Variants in EPM2A observed in about 807,000 individuals in gnomAD.
EPM2A encodes EPM2A glucan phosphatase, laforin, also known as laforin.
Under a neutral mutation model 26.5 loss-of-function variants are expected in EPM2A, and 21 were observed. The ratio of observed to expected loss-of-function variants is 0.79; its 90% CI spans 0.56 to 1.14. The LOEUF (loss-of-function observed/expected upper bound fraction) is 1.14. Ranked by LOEUF, EPM2A falls within the 50% of genes most tolerant of loss-of-function variation. EPM2A has a pLI of 0.00. For missense variants in EPM2A, 458 were observed against 440.8 expected (o/e 1.04, Z -0.35); for synonymous variants, 217 against 177.6 (o/e 1.22, Z -1.76).
At chr6:145,554,459 G>GATAGATAGATAGATACATAGATAC (rs1187061981) in intron 2 of EPM2A, among the ~76,000 whole-genome samples, 37 of 151,612 alleles carry the variant, frequency 2.4e-4, no homozygotes, top group African/African-American at 8.7e-4. Context: ...TAGATAGATA[G>GATAGATAGATAGATACATAGATAC]ATAGATAGAT....
intron 2 of EPM2A, among the ~76,000 whole-genome samples, chr6:145,648,488 T>C (rs1423252240): frequency 6.6e-6 from 1 of 152,242 alleles, no homozygotes; most frequent in Non-Finnish European, 1.5e-5. Context: ...TAACCATAAG[T>C]TCCATTTCAT....
At chr6:145,545,955 C>T (rs1780578115) in intron 2 of EPM2A, among the ~76,000 whole-genome samples, 1 of 152,168 alleles carries the variant, frequency 6.6e-6, no homozygotes, top group African/African-American at 2.4e-5. Flanking sequence ...TAAATACTCT[C>T]TGAATGCCTT....
At chr6:145,521,738 A>C (rs1780204610) in intron 2 of EPM2A, among the ~76,000 whole-genome samples, 3 of 152,204 alleles carry the variant, frequency 2.0e-5, no homozygotes. Context: ...AATATACTAG[A>C]GGGAATGAGC....
At chr6:145,445,282 C>A (rs1206289807) in intron 4 of EPM2A, among the ~76,000 whole-genome samples, 1 of 151,998 alleles carries the variant, frequency 6.6e-6, no homozygotes, top group East Asian at 1.9e-4. Flanking sequence ...AAAACATTTG[C>A]CTATAAATTT....
chr6:145,528,913 T>C (rs1780316480), intron 2 of EPM2A, among the ~76,000 whole-genome samples: 1 of 151,920 alleles, frequency 6.6e-6, no homozygotes, highest in African/African-American at 2.4e-5. Flanking sequence ...GAGGTGAAAA[T>C]ATCAACATAA....
intron 2 of EPM2A, among the ~76,000 whole-genome samples, chr6:145,578,690 A>G (rs6913727): frequency 0.43 from 65,257 of 152,016 alleles, 14,561 homozygotes; most frequent in African/African-American, 0.52. Flanking sequence ...TTTTGGAAAA[A>G]CAAATACTTT....
chr6:145,513,020 G>A (rs909189639), intron 2 of EPM2A, among the ~76,000 whole-genome samples: 2 of 152,014 alleles, frequency 1.3e-5, no homozygotes, highest in African/African-American at 2.4e-5. Context: ...TTATGATGAA[G>A]ACCCCAAAAG....
intron 4 of EPM2A, among the ~76,000 whole-genome samples, chr6:145,478,575 C>T (rs1299636863): frequency 6.6e-6 from 1 of 151,848 alleles, no homozygotes; most frequent in Admixed American, 6.6e-5. Context: ...GGCATAAAAA[C>T]AGACACATAG....
intron 4 of EPM2A, among the ~76,000 whole-genome samples, chr6:145,464,233 TCACTTGC>T (rs1779359340): frequency 6.6e-6 from 1 of 152,140 alleles, no homozygotes; most frequent in African/African-American, 2.4e-5. Context: ...TCACTGTCTC[TCACTTGC>T]CACCATGTAA....
At chr6:145,599,317 T>A (rs1341265007) in intron 2 of EPM2A, among the ~76,000 whole-genome samples, 1 of 152,148 alleles carries the variant, frequency 6.6e-6, no homozygotes, top group Non-Finnish European at 1.5e-5. Context: ...TCAATGTTTA[T>A]TCTGTGCTCC....
intron 2 of EPM2A, among the ~76,000 whole-genome samples, chr6:145,519,761 A>G (rs1780178920): frequency 6.6e-6 from 1 of 152,158 alleles, no homozygotes; most frequent in Non-Finnish European, 1.5e-5. Context: ...CCAGTCTCAG[A>G]TCTTAAAGAG....
At chr6:145,397,732 A>G (rs1778424732) in intron 4 of EPM2A, among the ~76,000 whole-genome samples, 1 of 152,198 alleles carries the variant, frequency 6.6e-6, no homozygotes, top group African/African-American at 2.4e-5. Context: ...ATCAAGTATT[A>G]TTGACCAACC....
chr6:145,627,975 C>A, intron 3 of EPM2A: 1 of 465,488 alleles, frequency 2.1e-6, no homozygotes, highest in Non-Finnish European at 3.8e-6. Context: ...AATATCCCTC[C>A]AAAGAAAAGT....
intron 2 of EPM2A, among the ~76,000 whole-genome samples, chr6:145,551,467 G>C (rs968729396): frequency 1.3e-5 from 2 of 151,886 alleles, no homozygotes; most frequent in African/African-American, 4.8e-5. Flanking sequence ...ATACCTAAAT[G>C]ACATTAAAGG....
At chr6:145,725,294 G>A (rs912164474) in intron 1 of EPM2A, among the ~76,000 whole-genome samples, 4 of 151,920 alleles carry the variant, frequency 2.6e-5, no homozygotes, top group Admixed American at 2.6e-4. Context: ...TAACAACATC[G>A]ACACTGATGA....
At chr6:145,557,280 GAA>G (rs2114810359) in intron 2 of EPM2A, among the ~76,000 whole-genome samples, 1 of 152,140 alleles carries the variant, frequency 6.6e-6, no homozygotes, top group African/African-American at 2.4e-5. Flanking sequence ...TGAGGGATGA[GAA>G]ATTACCCATT....
At chr6:145,638,600 C>A (rs1319823911) in intron 2 of EPM2A, 1 of 152,214 alleles carries the variant, frequency 6.6e-6, no homozygotes, top group Admixed American at 6.5e-5. Flanking sequence ...GAACTAATTT[C>A]TGCTACTTTA....
intron 2 of EPM2A, among the ~76,000 whole-genome samples, chr6:145,543,270 TAA>T (rs1780539597): frequency 6.6e-6 from 1 of 152,074 alleles, no homozygotes; most frequent in South Asian, 2.1e-4. Context: ...ACAGTCAAAA[TAA>T]ATTACCATCA....
intron 1 of EPM2A, among the ~76,000 whole-genome samples, chr6:145,720,229 G>T (rs1396596763): frequency 6.6e-6 from 1 of 152,048 alleles, no homozygotes; most frequent in Non-Finnish European, 1.5e-5. Flanking sequence ...CTGGAGTAAA[G>T]AACTTTTTAA....
Sources: allele counts gnomAD v4.1 joint callset (sites outside exome capture counted in the v4.1 genomes callset), GRCh38; gene constraint gnomAD v4.1.1; transcripts MANE v1.5; gene names NCBI Gene and HGNC (gene_info 2026-07-23, HGNC 2026-07-21).